Variants in KCNQ1 observed in about 807,000 individuals in gnomAD.
The protein encoded by KCNQ1 is potassium voltage-gated channel subfamily KQT member 1.
KCNQ1 carries 49 observed loss-of-function variants against 72.4 expected under a neutral mutation model. That is an observed-to-expected ratio of 0.68 (90% CI 0.54 to 0.86). The LOEUF (loss-of-function observed/expected upper bound fraction) is 0.86, where lower values mean the gene tolerates loss of function less well. Ranked by LOEUF, KCNQ1 falls within the 40% of genes least tolerant of loss-of-function variation. The pLI, the probability that KCNQ1 is intolerant of heterozygous loss-of-function variation, is 0.00. For missense variants in KCNQ1, 790 were observed against 945.1 expected, an observed-to-expected ratio of 0.84 and a Z score of 2.15; for synonymous variants, 450 against 412.6, an observed-to-expected ratio of 1.09 and a Z score of -1.10.
intron 15 of KCNQ1, among the ~76,000 whole-genome samples, chr11:2,795,489 C>A (rs1300718939): frequency 6.6e-6 from 1 of 152,252 alleles, no homozygotes; most frequent in East Asian, 1.9e-4. Flanking sequence ...TTGCTAAAGA[C>A]ACAGTCATGC....
chr11:2,542,544 T>C (rs1847844957), intron 2 of KCNQ1, among the ~76,000 whole-genome samples: 1 of 152,224 alleles, frequency 6.6e-6, no homozygotes, highest in Non-Finnish European at 1.5e-5. Context: ...CACAGGACCA[T>C]CACCACAATT....
chr11:2,627,759 CTTTCTT>C lies in KCNQ1; in HGVS notation c.1394-34198_1394-34193del, dbSNP rs899722430. The C allele has an allele frequency of 5.8e-5, 23 of 397,932 alleles. No homozygotes were observed. Among genetic ancestry groups the C allele is most frequent in the Non-Finnish European group, 9.7e-5 (22 of 225,966 alleles). The allele number at this position is 397,932 out of a possible 1,614,324, so 24.7% of individuals were successfully genotyped here. A position where few individuals can be genotyped will look rare whatever the true frequency, so the allele number is the denominator to read the frequency against. On this transcript the variant is annotated intron_variant, in intron 10 of 15. Coordinates refer to ENST00000155840, the MANE Select transcript of KCNQ1 (RefSeq NM_000218.3). The surrounding 1 kb of genome is among the most constrained non-coding windows in gnomAD (Gnocchi z 4.9). Reference sequence around the variant, plus strand: ...TACACACACACACACTATTTTCTTCCTTTCTTTTTGAGACAGGGTCTCCATCTGTCA... The same window carrying C: ...TACACACACACACACTATTTTCTTCCTTTGAGACAGGGTCTCCATCTGTCA...
intron 11 of KCNQ1, chr11:2,688,462 A>C (rs1249748871): frequency 2.5e-6 from 1 of 398,598 alleles, no homozygotes; most frequent in Non-Finnish European, 4.4e-6. Flanking sequence ...TCACAGGAGA[A>C]CACCACACTG....
chr11:2,511,981 A>G (rs368380491), intron 1 of KCNQ1, among the ~76,000 whole-genome samples: 3 of 152,268 alleles, frequency 2.0e-5, no homozygotes, highest in African/African-American at 7.2e-5. Flanking sequence ...AAGCGTGAGC[A>G]TTTGTCTCGG....
At chr11:2,779,744 C>T (rs1009642278) in intron 15 of KCNQ1, among the ~76,000 whole-genome samples, 7 of 152,224 alleles carry the variant, frequency 4.6e-5, no homozygotes, top group Non-Finnish European at 8.8e-5. Flanking sequence ...TGGCCCCTTC[C>T]TGACGTGCAC....
chr11:2,621,311 G>A lies in KCNQ1; in HGVS notation c.1393+32457G>A. On this transcript the variant is annotated intron_variant, in intron 10 of 15. Coordinates refer to ENST00000155840, the MANE Select transcript of KCNQ1 (RefSeq NM_000218.3). This position sits in a 1 kb window ranked among gnomAD's most constrained non-coding sequence, Gnocchi z 5.7. ...TGCATTTCTGATTATTAGTGATCAT[G>A]AGAATGTTTTTTTGTTTGGCTACTT... is the stretch of plus-strand genomic sequence containing the variant. The A allele has an allele frequency of 2.5e-6, 1 of 398,456 alleles. No individual in the cohort carries two copies. The highest frequency in any genetic ancestry group is 4.4e-6 in the Non-Finnish European group (1 of 225,998). 24.7% of individuals were successfully genotyped at this position (398,456 alleles called of 1,614,324 possible). A position where few individuals can be genotyped will look rare whatever the true frequency, so the allele number is the denominator to read the frequency against.
rs1279571109 is a variant in KCNQ1 at position 2,813,100 on chromosome 11, C to T, written c.1795-34667C>T. Among the ~76,000 whole-genome samples the T allele has an allele frequency of 1.3e-5, 2 of 152,250 alleles. No homozygotes were observed. Among genetic ancestry groups the T allele is most frequent in the Non-Finnish European group, 2.9e-5 (2 of 68,040 alleles). ...GCCAGCACCATCTCTCCTGTGAGAA[C>T]CCTGTGCCTAGAACGGAGCCTGGTA... On this transcript the variant is annotated intron_variant, in intron 15 of 15. Coordinates refer to ENST00000155840, the MANE Select transcript of KCNQ1 (RefSeq NM_000218.3). The surrounding 1 kb of genome is among the most constrained non-coding windows in gnomAD (Gnocchi z 4.4).
chr11:2,843,994 T>C (rs1590126791), intron 15 of KCNQ1, among the ~76,000 whole-genome samples: 1 of 152,176 alleles, frequency 6.6e-6, no homozygotes, highest in African/African-American at 2.4e-5. Flanking sequence ...GCCTAGAGCA[T>C]GCACTGCCTT....
chr11:2,654,079 C>T lies in KCNQ1; in HGVS notation c.1394-7882C>T. 1 of 398,756 alleles carries T rather than the reference C, an allele frequency of 2.5e-6. No homozygotes were observed. The highest frequency in any genetic ancestry group is 4.4e-6 in the Non-Finnish European group (1 of 226,148). 24.7% of individuals were successfully genotyped at this position (398,756 alleles called of 1,614,324 possible). On this transcript the variant is annotated intron_variant, in intron 10 of 15. Coordinates refer to ENST00000155840, the MANE Select transcript of KCNQ1 (RefSeq NM_000218.3). The surrounding 1 kb of genome is among the most constrained non-coding windows in gnomAD (Gnocchi z 6.4). ...GGGAATGGCTTTTACACTTTCCATC[C>T]ATGTCCCTTACTTCTCGCCTCTGAG...
intron 11 of KCNQ1, among the ~76,000 whole-genome samples, chr11:2,757,567 A>T (rs1434439129): frequency 6.6e-6 from 1 of 152,238 alleles, no homozygotes. Flanking sequence ...GACATGGACA[A>T]ACTTGTTCTA....
chr11:2,834,572 G>A (rs1848022646), intron 15 of KCNQ1, among the ~76,000 whole-genome samples: 1 of 152,208 alleles, frequency 6.6e-6, no homozygotes, highest in Non-Finnish European at 1.5e-5. Flanking sequence ...CCACCTGTGA[G>A]GTGCTGAGTT....
At chr11:2,791,567 C>G (rs1847022851) in intron 15 of KCNQ1, among the ~76,000 whole-genome samples, 1 of 152,180 alleles carries the variant, frequency 6.6e-6, no homozygotes, top group Non-Finnish European at 1.5e-5. Context: ...CCTGGCCGTG[C>G]CGGCTGGGCT....
At chr11:2,622,536 A>G (rs764180499) in intron 10 of KCNQ1, 17 of 398,368 alleles carry the variant, frequency 4.3e-5, no homozygotes, top group Admixed American at 8.8e-5. Flanking sequence ...TAATCGACTT[A>G]CATTTAAAGT....
chr11:2,628,658 T>A (rs1849299754), intron 10 of KCNQ1: 1 of 398,310 alleles, frequency 2.5e-6, no homozygotes, highest in Admixed American at 4.4e-5. Context: ...TCTAATTTAT[T>A]TTTGCGTTTT....
chr11:2,667,557 C>T (rs1850100869), intron 11 of KCNQ1: 1 of 133,880 alleles, frequency 7.5e-6, no homozygotes, highest in South Asian at 2.6e-4. Flanking sequence ...CATGGAGACA[C>T]TTCTGGCAGT....
Position 2,476,456 on chromosome 11 carries a change from A to G in KCNQ1, c.386+30972A>G, listed in dbSNP as rs553646628. Reference sequence around the variant, plus strand: ...GCTACAGGCATTTTCCTTTTTTGAAAAAAGTAAATATGTAAGTTAAAAAGT... The same window carrying G: ...GCTACAGGCATTTTCCTTTTTTGAAGAAAGTAAATATGTAAGTTAAAAAGT... On this transcript the variant is annotated intron_variant, in intron 1 of 15. Coordinates refer to ENST00000155840, the MANE Select transcript of KCNQ1 (RefSeq NM_000218.3). Among the ~76,000 whole-genome samples, 82 of 152,306 alleles carry G rather than the reference A, an allele frequency of 5.4e-4. 1 individual carries two copies. The highest frequency in any genetic ancestry group is 1.8e-3 in the African/African-American group (73 of 41,570).
At chr11:2,510,518 G>A (rs1345089857) in intron 1 of KCNQ1, among the ~76,000 whole-genome samples, 1 of 151,520 alleles carries the variant, frequency 6.6e-6, no homozygotes. Context: ...GAGGTGGGAG[G>A]ATCACTTGAG....
rs939160210 is a variant in KCNQ1 at position 2,471,993 on chromosome 11, A to G, written c.386+26509A>G. Among the ~76,000 whole-genome samples the G allele has an allele frequency of 3.7e-5, 5 of 135,526 alleles. No homozygotes were observed. Among genetic ancestry groups the G allele is most frequent in the African/African-American group, 1.4e-4 (5 of 35,256 alleles). 88.9% of individuals were successfully genotyped at this position (135,526 alleles called of 152,430 possible). A position where few individuals can be genotyped will look rare whatever the true frequency, so the allele number is the denominator to read the frequency against. On this transcript the variant is annotated intron_variant, in intron 1 of 15. Coordinates refer to ENST00000155840, the MANE Select transcript of KCNQ1 (RefSeq NM_000218.3). The surrounding 1 kb of genome is among the most constrained non-coding windows in gnomAD (Gnocchi z 4.8). ...GGGTGTGTGTGCACCTATGTGTATA[A>G]GTGTGTGTGCACATGTGTATAGGTG...
chr11:2,457,677 G>A lies in KCNQ1; in HGVS notation c.386+12193G>A, dbSNP rs1021611058. ...GTTTGAAAAGTTACCTGTGGGTGCTGTGCGCACTACGTGGGAGACCGGATC... is the reference window on the plus strand; with the variant it reads ...GTTTGAAAAGTTACCTGTGGGTGCTATGCGCACTACGTGGGAGACCGGATC... On this transcript the variant is annotated intron_variant, in intron 1 of 15. Coordinates refer to ENST00000155840, the MANE Select transcript of KCNQ1 (RefSeq NM_000218.3). This position sits in a 1 kb window ranked among gnomAD's most constrained non-coding sequence, Gnocchi z 5.0. Among the ~76,000 whole-genome samples, 3 of 152,140 alleles carry A rather than the reference G, an allele frequency of 2.0e-5. No individual in the cohort carries two copies. Among genetic ancestry groups the A allele is most frequent in the South Asian group, 2.1e-4 (1 of 4,824 alleles).
Sources: gnomAD v4.1 joint callset for allele counts (sites outside exome capture counted in the v4.1 genomes callset) on GRCh38, gnomAD v4.1.1 for gene constraint, Gnocchi (gnomAD v3.1) non-coding constraint, MANE v1.5 for transcripts, NCBI Gene and HGNC (gene_info 2026-07-23, HGNC 2026-07-21) for gene names.